The following SORCS1 variants were observed in gnomAD, a reference collection of about 807,000 sequenced individuals.
SORCS1 encodes sortilin related VPS10 domain containing receptor 1.
Under a neutral mutation model 146.1 loss-of-function variants are expected in SORCS1, and 60 were observed. The ratio of observed to expected loss-of-function variants is 0.41; its 90% CI spans 0.33 to 0.51. The LOEUF is 0.51. Ranked by LOEUF, SORCS1 falls within the 20% of genes least tolerant of loss-of-function variation. SORCS1 has a pLI of 0.21. For missense variants in SORCS1, 1,352 were observed against 1,487.6 expected (o/e 0.91, Z 1.50); for synonymous variants, 637 against 584.0 (o/e 1.09, Z -1.31).
At chr10:106,794,501 C>CT (rs35647552) in intron 3 of SORCS1, among the ~76,000 whole-genome samples, 10,019 of 126,046 alleles carry the variant, frequency 0.079, 540 homozygotes, top group Non-Finnish European at 0.12. Context: ...TTTTCTTTTT[C>CT]TTTTTTTTTT....
chr10:106,868,400 C>T (rs1950295998), intron 2 of SORCS1, among the ~76,000 whole-genome samples: 1 of 152,180 alleles, frequency 6.6e-6, no homozygotes, highest in African/African-American at 2.4e-5. Flanking sequence ...ATACATTCTT[C>T]TCATCGTCAT....
intron 1 of SORCS1, among the ~76,000 whole-genome samples, chr10:106,992,736 A>G (rs1334134210): frequency 6.6e-6 from 1 of 151,116 alleles, no homozygotes; most frequent in Non-Finnish European, 1.5e-5. Flanking sequence ...ACCTCAAGCA[A>G]TCCTCCATCT....
rs74154812 is a variant in SORCS1, at chr10:106,999,478, T to C, written c.559-42898A>G. ...GTTGCTATTACCATTTATAGCACCA[T>C]TTGTTTCATTTAAGAAAACGTGCTT... On this transcript the variant is annotated intron_variant, in intron 1 of 25. Transcript: ENST00000263054. Among the ~76,000 whole-genome samples the C allele has an allele frequency of 5.4e-3, 825 of 152,364 alleles. 12 individuals carry two copies. Among genetic ancestry groups the C allele is most frequent in the African/African-American group, 0.019 (785 of 41,584 alleles).
chr10:107,018,331 C>A (rs370663782), intron 1 of SORCS1, among the ~76,000 whole-genome samples: 1 of 152,056 alleles, frequency 6.6e-6, no homozygotes, highest in Non-Finnish European at 1.5e-5. Flanking sequence ...CCCGCCACCA[C>A]GCCTGGCTAA....
chr10:107,071,453 T>C (rs1962418322), intron 1 of SORCS1, among the ~76,000 whole-genome samples: 1 of 152,228 alleles, frequency 6.6e-6, no homozygotes, highest in African/African-American at 2.4e-5. Flanking sequence ...AGCCAACCTA[T>C]GAACCTCTTC....
chr10:107,160,446 T>C lies in SORCS1; in HGVS notation c.558+3523A>G, dbSNP rs114624694. On this transcript the variant is annotated intron_variant, in intron 1 of 25. Transcript: ENST00000263054. ...GAAAAATTAAGTGAGATGATGAATG[T>C]AAAGCATCTACCCCAAAAGTTGGCC... 2.9e-3 allele frequency among the ~76,000 whole-genome samples: 434 copies of C among 152,264 alleles called. 3 individuals carry two copies. The highest frequency in any genetic ancestry group is 9.7e-3 in the African/African-American group (404 of 41,546).
At chr10:106,688,074 C>T in intron 10 of SORCS1, 118 bp downstream of exon 10, 1 of 1,409,106 alleles carries the variant, frequency 7.1e-7, no homozygotes, top group South Asian at 1.4e-5. Flanking sequence ...CACGCCCTTC[C>T]CCACTCCCTT....
At chr10:107,120,370 A>G (rs1466091321) in intron 1 of SORCS1, among the ~76,000 whole-genome samples, 1 of 152,202 alleles carries the variant, frequency 6.6e-6, no homozygotes, top group East Asian at 1.9e-4. Context: ...AGAAAGTAAT[A>G]AAAAAATTCA....
At chr10:106,948,681 C>G (rs932957726) in intron 2 of SORCS1, among the ~76,000 whole-genome samples, 5 of 151,564 alleles carry the variant, frequency 3.3e-5, no homozygotes, top group African/African-American at 1.2e-4. Context: ...AACTGTAGGC[C>G]GGGCGCAGTG....
chr10:106,830,254 G>A (rs1231198852), intron 2 of SORCS1, among the ~76,000 whole-genome samples: 2 of 152,114 alleles, frequency 1.3e-5, no homozygotes, highest in Admixed American at 6.5e-5. Context: ...ATGACTTCTC[G>A]ACACTGACAC....
chr10:106,918,139 G>A (rs116407919), intron 2 of SORCS1, among the ~76,000 whole-genome samples: 322 of 152,234 alleles, frequency 2.1e-3, no homozygotes, highest in African/African-American at 7.3e-3. Flanking sequence ...CCAGACAGCA[G>A]AGAACCCAAG....
intron 5 of SORCS1, among the ~76,000 whole-genome samples, chr10:106,750,929 G>T (rs181625258): frequency 6.7e-6 from 1 of 148,428 alleles, no homozygotes; most frequent in Non-Finnish European, 1.5e-5. Context: ...GCGTGGTGGC[G>T]GGCGCCGTAG....
At chr10:106,862,291 G>T (rs1950043817) in intron 2 of SORCS1, among the ~76,000 whole-genome samples, 1 of 152,172 alleles carries the variant, frequency 6.6e-6, no homozygotes, top group Non-Finnish European at 1.5e-5. Context: ...ATTACATCCT[G>T]TCTGTTTTCT....
At chr10:107,089,202 G>T (rs1347352016) in intron 1 of SORCS1, among the ~76,000 whole-genome samples, 1 of 151,558 alleles carries the variant, frequency 6.6e-6, no homozygotes, top group East Asian at 1.9e-4. Flanking sequence ...ATTTTGTTTT[G>T]CTGGCGTCTT....
In SORCS1 at chr10:106,986,939, T is replaced by C. The variant is rs75488259; in HGVS notation, c.559-30359A>G. ...AGTCTTTGCTGTTAGCTCTAACAAC[T>C]GGGCTATCTTCAGGTTGGTTTCTCT... On this transcript the variant is annotated intron_variant, in intron 1 of 25. Coordinates refer to ENST00000263054, the MANE Select transcript of SORCS1 (RefSeq NM_052918.5). Among the ~76,000 whole-genome samples, 760 of 152,332 alleles carry C rather than the reference T, an allele frequency of 5.0e-3. 8 individuals are homozygous for C. The highest frequency in any genetic ancestry group is 0.014 in the African/African-American group (595 of 41,590).
At chr10:106,921,430 A>G (rs373745598) in intron 2 of SORCS1, among the ~76,000 whole-genome samples, 10 of 152,324 alleles carry the variant, frequency 6.6e-5, no homozygotes, top group African/African-American at 2.2e-4. Context: ...GCATAATTTC[A>G]TCTAGATATA....
intron 1 of SORCS1, among the ~76,000 whole-genome samples, chr10:107,007,578 C>T (rs1178654953): frequency 6.6e-6 from 1 of 152,206 alleles, no homozygotes; most frequent in Non-Finnish European, 1.5e-5. Flanking sequence ...CTGGCAAGTC[C>T]TGCCCAAAGT....
chr10:107,076,140 T>C (rs931437630), intron 1 of SORCS1, among the ~76,000 whole-genome samples: 3 of 152,134 alleles, frequency 2.0e-5, no homozygotes, highest in East Asian at 1.9e-4. Flanking sequence ...AGGTTAGTGA[T>C]ACTGTGAATA....
intron 1 of SORCS1, among the ~76,000 whole-genome samples, chr10:106,971,633 G>A (rs1036456762): frequency 6.6e-6 from 1 of 152,242 alleles, no homozygotes; most frequent in Admixed American, 6.5e-5. Flanking sequence ...TGAGGGCTGA[G>A]TAGTTGTAAA....
Sources: gnomAD v4.1 joint callset for allele counts (sites outside exome capture counted in the v4.1 genomes callset) on GRCh38, gnomAD v4.1.1 for gene constraint, MANE v1.5 for transcripts, NCBI Gene and HGNC (gene_info 2026-07-23, HGNC 2026-07-21) for gene names.